Variants in NOTCH1 observed in about 807,000 individuals in gnomAD.
NOTCH1 encodes the protein notch receptor 1.
Under a neutral mutation model 254.8 loss-of-function variants are expected in NOTCH1, and 37 were observed. The ratio of observed to expected loss-of-function variants is 0.15; its 90% CI spans 0.11 to 0.19. The LOEUF (loss-of-function observed/expected upper bound fraction) is 0.19, where lower values mean the gene tolerates loss of function less well. NOTCH1 is among the 10% of genes least tolerant of loss of function. The pLI, the probability that NOTCH1 is intolerant of heterozygous loss-of-function variation, is 1.00. For missense variants in NOTCH1, 2,972 were observed against 3,708.6 expected, an observed-to-expected ratio of 0.80 and a Z score of 5.16; for synonymous variants, 1,731 against 1,618.1, an observed-to-expected ratio of 1.07 and a Z score of -1.68.
At chr9:136,536,793 G>A (rs1843664001) in intron 2 of NOTCH1, among the ~76,000 whole-genome samples, 2 of 152,240 alleles carry the variant, frequency 1.3e-5, no homozygotes, top group African/African-American at 2.4e-5. Context: ...GTTCTTAAGG[G>A]GCATGCTCCT....
rs1238570062 is a variant in NOTCH1, at chr9:136,523,705, G to A, written c.403+12C>T. The A allele has an allele frequency of 6.3e-7, 1 of 1,595,150 alleles. No homozygotes were observed. Among genetic ancestry groups the A allele is most frequent in the Non-Finnish European group, 8.5e-7 (1 of 1,172,874 alleles). On this transcript the variant is annotated intron_variant, in intron 3 of 33. Transcript: ENST00000651671. ...GGTCTGCCCACCCCTCAGGCTGTGG[G>A]TCCTCCCTCACCTGACCAGCCGGGC...
intron 4 of NOTCH1, among the ~76,000 whole-genome samples, chr9:136,522,102 T>G (rs1474343709): frequency 6.6e-6 from 1 of 151,688 alleles, no homozygotes; most frequent in Non-Finnish European, 1.5e-5. Flanking sequence ...CTCAGCCTCC[T>G]GAGTAGCTGG....
At chr9:136,529,928 C>T (rs1223920030) in intron 2 of NOTCH1, among the ~76,000 whole-genome samples, 4 of 152,252 alleles carry the variant, frequency 2.6e-5, no homozygotes, top group African/African-American at 7.2e-5. Context: ...ACCTGCGGTC[C>T]CACCTGAGCT....
chr9:136,499,075 G>A (rs377493295), intron 32 of NOTCH1, 37 bp downstream of exon 32: 94 of 1,612,466 alleles, frequency 5.8e-5, no homozygotes, highest in Non-Finnish European at 7.5e-5. Flanking sequence ...TGGCGGTCCC[G>A]CCCCACGACA....
intron 4 of NOTCH1, among the ~76,000 whole-genome samples, chr9:136,522,064 G>A (rs7036298): frequency 0.38 from 56,750 of 148,936 alleles, 11,706 homozygotes; most frequent in East Asian, 0.85. Flanking sequence ...TGCAACCTCC[G>A]CCTCCCGGGT....
intron 31 of NOTCH1, 44 bp downstream of exon 31, chr9:136,500,507 CG>C (rs1564570109): frequency 6.2e-7 from 1 of 1,601,916 alleles, no homozygotes; most frequent in Non-Finnish European, 8.5e-7. Flanking sequence ...GACCACCAGG[CG>C]GCCCTGAGGA....
At chr9:136,518,033 C>A in intron 7 of NOTCH1, 96 bp from the exon 8 acceptor site, 3 of 1,560,932 alleles carry the variant, frequency 1.9e-6, no homozygotes, top group East Asian at 2.3e-5. Context: ...AGGGTCCCAT[C>A]CCCCATCTAA....
At chr9:136,519,337 TG>T in intron 5 of NOTCH1, 105 bp downstream of exon 5, 1 of 1,517,080 alleles carries the variant, frequency 6.6e-7, no homozygotes, top group Non-Finnish European at 9.0e-7. Context: ...CTGCCTGGCC[TG>T]GGACAGGGTC....
intron 16 of NOTCH1, 100 bp downstream of exon 16, chr9:136,511,052 T>G: frequency 6.4e-7 from 1 of 1,567,964 alleles, no homozygotes; most frequent in Non-Finnish European, 8.7e-7. Flanking sequence ...ACCCACCAGC[T>G]CCTCTTCAAA....
At chr9:136,517,522 C>A in intron 8 of NOTCH1, 137 bp from the exon 9 acceptor site, 1 of 814,636 alleles carries the variant, frequency 1.2e-6, no homozygotes, top group Admixed American at 2.1e-5. Context: ...CGCACCCGCT[C>A]CCCTGCAGCC....
rs80340744 is a variant in NOTCH1, at chr9:136,506,850, G to T, written c.3767C>A (p.Pro1256Gln). 6.2e-7 allele frequency: 1 copy of T among 1,612,072 alleles called. No homozygotes were observed. Among genetic ancestry groups the T allele is most frequent in the South Asian group, 1.1e-5 (1 of 90,964 alleles). Residue 1256 changes from proline (P) to glutamine (Q), a missense_variant, in exon 23 of 34, where the codon CCG (proline) becomes CAG (glutamine). By Grantham distance (76) the Pro-to-Gln change is moderately conservative. This residue lies in a region of NOTCH1 where 1,343 missense variants were observed against 1,557.0 expected (regional missense o/e 0.86). Coordinates refer to ENST00000651671, the MANE Select transcript of NOTCH1 (RefSeq NM_017617.5). This position sits in a 1 kb window ranked among gnomAD's most constrained non-coding sequence, Gnocchi z 4.5. The stretch of plus-strand genomic sequence containing the variant: ...ACAGCGCTCACCCACGAAGCCCGGC[G>T]GGCAGGTGCAGCTGTAGCCGCCCAC... ...DQVGGYSCTC[P>Q]PGFVGERCEG...
At chr9:136,536,553 G>T (rs913197938) in intron 2 of NOTCH1, among the ~76,000 whole-genome samples, 21 of 152,206 alleles carry the variant, frequency 1.4e-4, no homozygotes, top group Middle Eastern at 3.2e-3. Flanking sequence ...TGTGTCCAAA[G>T]CCTCACTGCC....
rs1554826447 is a variant in NOTCH1 at position 136,496,913 on chromosome 9, G to A, written c.6826C>T (p.Leu2276=). ...GTGCTGGTGCCAGAGGCCACAGGCA[G>A]GTGGGAGAGACGAGGTGGGCCAGTC... ...FETGPPRLSH[L]PVASGTSTVL... Residue 2276 remains leucine (L), a synonymous_variant, in exon 34 of 34, where the codon CTG becomes TTG. Coordinates refer to ENST00000651671, the MANE Select transcript of NOTCH1 (RefSeq NM_017617.5). The A allele has an allele frequency of 6.2e-7, 1 of 1,612,656 alleles. No individual in the cohort carries two copies. Among genetic ancestry groups the A allele is most frequent in the Non-Finnish European group, 8.5e-7 (1 of 1,179,942 alleles).
chr9:136,525,820 CT>C lies in NOTCH1; in HGVS notation c.141-1842del, dbSNP rs1202501313. Among the ~76,000 whole-genome samples, 4 of 152,372 alleles carry C rather than the reference CT, an allele frequency of 2.6e-5. No individual in the cohort carries two copies. In the East Asian group the frequency reaches 5.8e-4, roughly 22 times the overall value. ...CGTTTCTCAGCAGCCAGCCACGCCC[CT>C]GTCCCAAAGGCCCGGGAGGCATCTG... On this transcript the variant is annotated intron_variant, in intron 2 of 33. Transcript: ENST00000651671.
intron 2 of NOTCH1, among the ~76,000 whole-genome samples, chr9:136,537,027 G>A (rs1022001076): frequency 3.3e-5 from 5 of 152,232 alleles, no homozygotes; most frequent in Admixed American, 6.5e-5. Flanking sequence ...AGCCTGTCTC[G>A]GAGTCCTGAG....
At chr9:136,510,952 G>T in intron 16 of NOTCH1, 147 bp from the exon 17 acceptor site, 2 of 1,377,702 alleles carry the variant, frequency 1.5e-6, no homozygotes, top group Non-Finnish European at 2.0e-6. Context: ...CCTAATTTTG[G>T]CCTAAGAAGG....
intron 2 of NOTCH1, among the ~76,000 whole-genome samples, chr9:136,526,957 C>A (rs1843470418): frequency 6.6e-6 from 1 of 152,194 alleles, no homozygotes; most frequent in African/African-American, 2.4e-5. Flanking sequence ...GCCCCCACTC[C>A]CAGCCTGGGC....
rs369854704 is a variant in NOTCH1, at chr9:136,502,466, C to G, written c.5190G>C (p.Pro1730=). The G allele has an allele frequency of 1.9e-6, 3 of 1,584,032 alleles. No individual in the cohort carries two copies. The highest frequency in any genetic ancestry group is 2.6e-6 in the Non-Finnish European group (3 of 1,166,830). ...CGTACATGAAGTGCAGCTGCGCCGG[C>G]GGGGGCGGCTCCACGGTCTCACCTG... ...AVQSETVEPP[P]PAQLHFMYVA... The change falls in exon 28 of 34, where the codon CCG becomes CCC. Residue 1730 remains proline, a synonymous_variant. Coordinates refer to ENST00000651671, the MANE Select transcript of NOTCH1 (RefSeq NM_017617.5).
At chr9:136,505,918 G>C (rs2133341478) in intron 24 of NOTCH1, 37 bp from the exon 25 acceptor site, 2 of 1,517,686 alleles carry the variant, frequency 1.3e-6, no homozygotes, top group Non-Finnish European at 8.8e-7. Flanking sequence ...GTCGGGGTGG[G>C]CCACCCCCCG....
Sources: allele counts gnomAD v4.1 joint callset (sites outside exome capture counted in the v4.1 genomes callset), GRCh38; gene constraint gnomAD v4.1.1; regional missense constraint gnomAD v4.1.1; non-coding constraint Gnocchi (gnomAD v3.1); transcripts MANE v1.5; gene names NCBI Gene and HGNC (gene_info 2026-07-23, HGNC 2026-07-21).